CREB5: variants seen among roughly 807,000 people sequenced by gnomAD.
CREB5 encodes the protein cyclic AMP-responsive element-binding protein 5.
Under a neutral mutation model 57.1 loss-of-function variants are expected in CREB5, and 19 were observed. That is an observed-to-expected ratio of 0.33 (90% CI 0.23 to 0.49). The LOEUF (loss-of-function observed/expected upper bound fraction) is 0.49. Ranked by LOEUF, CREB5 falls within the 20% of genes least tolerant of loss-of-function variation. The pLI is 0.99. For missense variants in CREB5, 579 were observed against 671.6 expected (o/e 0.86, Z 1.52); for synonymous variants, 238 against 238.3 (o/e 1.00, Z 0.01).
chr7:28,564,244 A>T (rs1795395660), intron 4 of CREB5, among the ~76,000 whole-genome samples: 1 of 152,186 alleles, frequency 6.6e-6, no homozygotes, highest in Non-Finnish European at 1.5e-5. Context: ...CTGGCTCTTT[A>T]TGGAAAATCC....
intron 5 of CREB5, among the ~76,000 whole-genome samples, chr7:28,716,341 A>C (rs1201226194): frequency 2.6e-5 from 4 of 152,220 alleles, no homozygotes; most frequent in African/African-American, 7.2e-5. Flanking sequence ...GCAAACCAAC[A>C]TAATAAAAAG....
At position 28,757,534 on chromosome 7, in the gene CREB5, G is replaced by A. The variant is rs182472013; in HGVS notation, c.702+33202G>A. 3.5e-3 allele frequency among the ~76,000 whole-genome samples: 530 copies of A among 152,070 alleles called. 9 individuals carry two copies. The highest frequency in any genetic ancestry group is 0.021 in the Admixed American group (320 of 15,270). On this transcript the variant is annotated intron_variant, in intron 7 of 10. Transcript: ENST00000357727. ...AAAAATACAAAAAAATTAGCCAGGC[G>A]TGGTGGCGGGCGCCTGTAGTCCCAG... is the stretch of plus-strand genomic sequence containing the variant.
At chr7:28,672,063 A>G in intron 5 of CREB5, among the ~76,000 whole-genome samples, 1 of 152,150 alleles carries the variant, frequency 6.6e-6, no homozygotes, top group Non-Finnish European at 1.5e-5. Flanking sequence ...TTTTACTACA[A>G]TGAATTAAAA....
chr7:28,448,818 C>T (rs796135956), intron 1 of CREB5, among the ~76,000 whole-genome samples: 1 of 152,204 alleles, frequency 6.6e-6, no homozygotes, highest in Non-Finnish European at 1.5e-5. Flanking sequence ...TTTAGTCTAA[C>T]CTTTTCATTT....
intron 5 of CREB5, among the ~76,000 whole-genome samples, chr7:28,680,964 A>C (rs1054982340): frequency 6.6e-6 from 1 of 152,116 alleles, no homozygotes; most frequent in East Asian, 1.9e-4. Context: ...GAGAATATTT[A>C]GCTGCTCTCA....
At chr7:28,429,303 G>A (rs1445236544) in intron 1 of CREB5, among the ~76,000 whole-genome samples, 1 of 152,224 alleles carries the variant, frequency 6.6e-6, no homozygotes, top group Admixed American at 6.5e-5. Context: ...TGGGATAATC[G>A]GTGCCAGCCA....
intron 5 of CREB5, 32 bp downstream of exon 5, chr7:28,570,569 C>G (rs1562804039): frequency 1.9e-6 from 3 of 1,598,852 alleles, no homozygotes; most frequent in East Asian, 2.2e-5. Flanking sequence ...CCCCTGGGTC[C>G]TGGCTGGAAC....
chr7:28,550,881 G>A (rs1177858053), intron 4 of CREB5, among the ~76,000 whole-genome samples: 1 of 152,214 alleles, frequency 6.6e-6, no homozygotes, highest in Non-Finnish European at 1.5e-5. Context: ...AGCAGCACTT[G>A]GAGTATCACC....
chr7:28,552,272 G>A (rs140836207), intron 4 of CREB5, among the ~76,000 whole-genome samples: 269 of 152,254 alleles, frequency 1.8e-3, no homozygotes, highest in Non-Finnish European at 2.6e-3. Context: ...TCCTGAGCTC[G>A]AGCAATCCAC....
At chr7:28,342,328 A>G (rs1034557187) in intron 1 of CREB5, among the ~76,000 whole-genome samples, 1 of 152,216 alleles carries the variant, frequency 6.6e-6, no homozygotes, top group African/African-American at 2.4e-5. Flanking sequence ...GTGGTACAGA[A>G]GCCCCCTTTT....
intron 1 of CREB5, among the ~76,000 whole-genome samples, chr7:28,395,754 T>C (rs913510055): frequency 6.6e-6 from 1 of 152,170 alleles, no homozygotes; most frequent in African/African-American, 2.4e-5. Context: ...TATGAAATGG[T>C]CTACAAACTA....
intron 4 of CREB5, among the ~76,000 whole-genome samples, chr7:28,522,556 C>T (rs533009288): frequency 2.2e-4 from 33 of 152,078 alleles, no homozygotes; most frequent in East Asian, 1.4e-3. Flanking sequence ...CCACCATGCC[C>T]GGCTAATTTT....
intron 5 of CREB5, among the ~76,000 whole-genome samples, chr7:28,671,462 C>T (rs537060419): frequency 6.6e-6 from 1 of 152,208 alleles, no homozygotes; most frequent in Admixed American, 6.5e-5. Flanking sequence ...GTTGCTAGTT[C>T]AACTAGAACA....
chr7:28,432,355 G>A (rs1488942280), intron 1 of CREB5, among the ~76,000 whole-genome samples: 1 of 152,188 alleles, frequency 6.6e-6, no homozygotes, highest in Non-Finnish European at 1.5e-5. Flanking sequence ...TCTCAAACAA[G>A]CAGCAATCAT....
intron 1 of CREB5, among the ~76,000 whole-genome samples, chr7:28,306,587 G>A (rs1785192676): frequency 8.9e-6 from 1 of 111,910 alleles, no homozygotes. Context: ...TTGAGACGGA[G>A]TCTCGCTCTG....
chr7:28,643,777 AAC>A (rs1248120758), intron 5 of CREB5, among the ~76,000 whole-genome samples: 25 of 145,826 alleles, frequency 1.7e-4, no homozygotes, highest in Non-Finnish European at 3.2e-4. Flanking sequence ...AAAAAAAAAA[AAC>A]ACACAAACCT....
intron 5 of CREB5, among the ~76,000 whole-genome samples, chr7:28,644,867 C>T (rs142575015): frequency 7.4e-4 from 113 of 152,240 alleles, no homozygotes; most frequent in African/African-American, 2.6e-3. Flanking sequence ...TTCTAGATTG[C>T]TCTTCCTTGA....
intron 1 of CREB5, among the ~76,000 whole-genome samples, chr7:28,462,617 G>A (rs963728127): frequency 6.6e-6 from 1 of 152,118 alleles, no homozygotes; most frequent in Non-Finnish European, 1.5e-5. Context: ...CCATTCTAGT[G>A]GGTATGAAGT....
chr7:28,821,616 G>GT lies in CREB5; in HGVS notation c.*2340dup, dbSNP rs1033867152. The GT allele has an allele frequency of 2.0e-5, 3 of 152,074 alleles. No individual in the cohort carries two copies. The highest frequency in any genetic ancestry group is 2.0e-4 in the Admixed American group (3 of 15,262). 9.4% of individuals were successfully genotyped at this position (152,074 alleles called of 1,614,324 possible). ...AAATTCCAACAGTAACAGCTGAATG[G>GT]TTTAATCTGACTGGCTTCCTAAGAA... On this transcript the variant is annotated 3_prime_UTR_variant, in exon 11 of 11. Coordinates refer to ENST00000357727, the MANE Select transcript of CREB5 (RefSeq NM_182898.4).
Sources: gnomAD v4.1 joint callset for allele counts (sites outside exome capture counted in the v4.1 genomes callset) on GRCh38, gnomAD v4.1.1 for gene constraint, MANE v1.5 for transcripts, NCBI Gene and HGNC (gene_info 2026-07-23, HGNC 2026-07-21) for gene names.